Variants in PNPLA1 observed in about 807,000 individuals in gnomAD.
PNPLA1 encodes patatin like domain 1, omega-hydroxyceramide transacylase, also known as omega-hydroxyceramide transacylase.
PNPLA1 carries 36 observed loss-of-function variants against 51.7 expected under a neutral mutation model. The ratio of observed to expected loss-of-function variants is 0.70; its 90% CI spans 0.53 to 0.92. The LOEUF (loss-of-function observed/expected upper bound fraction) is 0.92, where lower values mean the gene tolerates loss of function less well. PNPLA1 is among the 40% of genes least tolerant of loss of function. The probability of loss-of-function intolerance (pLI) is 0.00; values close to 1 mark genes in which losing one functional copy is unlikely to be tolerated. For synonymous variants in PNPLA1, 293 were observed against 280.1 expected, an observed-to-expected ratio of 1.05 and a Z score of -0.46; for missense variants, 658 against 682.5, an observed-to-expected ratio of 0.96 and a Z score of 0.40.
At chr6:36,280,140 C>T (rs1038889933) in intron 1 of PNPLA1, among the ~76,000 whole-genome samples, 25 of 152,108 alleles carry the variant, frequency 1.6e-4, no homozygotes, top group African/African-American at 4.6e-4. Flanking sequence ...CGGGAGGCGG[C>T]GGTTGCAGTA....
At chr6:36,258,206 T>G (rs746769090) in intron 1 of PNPLA1, among the ~76,000 whole-genome samples, 3 of 152,174 alleles carry the variant, frequency 2.0e-5, no homozygotes, top group Non-Finnish European at 4.4e-5. Flanking sequence ...GTTCAGAGAT[T>G]TGAGCAGAGT....
intron 1 of PNPLA1, among the ~76,000 whole-genome samples, chr6:36,280,399 G>A (rs1169137361): frequency 4.6e-5 from 7 of 152,150 alleles, no homozygotes; most frequent in African/African-American, 1.7e-4. Flanking sequence ...TTGCTGACTT[G>A]GGACCAATTT....
chr6:36,273,940 C>T (rs1447474898), intron 1 of PNPLA1, among the ~76,000 whole-genome samples: 3 of 151,972 alleles, frequency 2.0e-5, no homozygotes, highest in African/African-American at 7.3e-5. Context: ...TCGTAATTAT[C>T]GCAGAAGTCC....
In PNPLA1 at chr6:36,312,545, G is replaced by C. The variant is rs1043291517; in HGVS notation, c.*659G>C. Among the ~76,000 whole-genome samples, 4 of 152,120 alleles carry C rather than the reference G, an allele frequency of 2.6e-5. No individual in the cohort carries two copies. Among genetic ancestry groups the C allele is most frequent in the African/African-American group, 9.7e-5 (4 of 41,426 alleles). On this transcript the variant is annotated 3_prime_UTR_variant, in exon 9 of 9. Coordinates refer to ENST00000636260, the MANE Select transcript of PNPLA1 (RefSeq NM_001374623.1). ...CTAAGGTTAGGGAAGTCCTAGATGG[G>C]GGATTTCCTAGGAAGCTGTGAGCCG...
Position 36,307,794 on chromosome 6 carries a change from GGA to G in PNPLA1, c.1595+86_1595+87del, listed in dbSNP as rs1582108499. 8.3e-6 allele frequency: 13 copies of G among 1,557,752 alleles called. No individual in the cohort carries two copies. The East Asian group carries it at 3.1e-4, about 37-fold the overall frequency. ...GTTCAGAGAGATTCCGAGGAATAGAGGAGAGTGTAAGGGAGTAGGGGGTGCAG... is the reference window on the plus strand; with the variant it reads ...GTTCAGAGAGATTCCGAGGAATAGAGGAGTGTAAGGGAGTAGGGGGTGCAG... On this transcript the variant is annotated intron_variant, in intron 8 of 8. Transcript: ENST00000636260.
At chr6:36,281,496 C>G (rs1051849590) in intron 1 of PNPLA1, among the ~76,000 whole-genome samples, 1 of 152,120 alleles carries the variant, frequency 6.6e-6, no homozygotes, top group Non-Finnish European at 1.5e-5. Context: ...CCCTCACAAC[C>G]CTATGAAGCA....
intron 1 of PNPLA1, among the ~76,000 whole-genome samples, chr6:36,280,076 C>T (rs1005857290): frequency 5.3e-5 from 8 of 152,072 alleles, no homozygotes; most frequent in Admixed American, 6.6e-5. Flanking sequence ...CGTGGTGGTG[C>T]GTGCCTGTAG....
chr6:36,290,193 A>G (rs73421632), intron 1 of PNPLA1, among the ~76,000 whole-genome samples: 1 of 152,224 alleles, frequency 6.6e-6, no homozygotes, highest in Non-Finnish European at 1.5e-5. Flanking sequence ...AACCATAAGA[A>G]AGTTCTACCA....
chr6:36,296,538 C>T (rs1484472126), intron 5 of PNPLA1, among the ~76,000 whole-genome samples: 2 of 152,136 alleles, frequency 1.3e-5, no homozygotes, highest in Non-Finnish European at 1.5e-5. Flanking sequence ...GTGTATGTAG[C>T]TTTAAAAAAT....
chr6:36,294,456 G>C lies in PNPLA1; in HGVS notation c.714+57G>C. ...GAAGGTACCAGGGACTAGGGGTGGG[G>C]TTAGAGAGCCACTGGGGCCCACTCA... On this transcript the variant is annotated intron_variant, in intron 4 of 8. Coordinates refer to ENST00000636260, the MANE Select transcript of PNPLA1 (RefSeq NM_001374623.1). The surrounding 1 kb of genome is among the most constrained non-coding windows in gnomAD (Gnocchi z 4.2). 1 of 1,526,872 alleles carries C rather than the reference G, an allele frequency of 6.5e-7. No individual in the cohort carries two copies. The highest frequency in any genetic ancestry group is 9.0e-7 in the Non-Finnish European group (1 of 1,109,836). The allele number at this position is 1,526,872 out of a possible 1,614,324, so 94.6% of individuals were successfully genotyped here. A position where few individuals can be genotyped will look rare whatever the true frequency, so the allele number is the denominator to read the frequency against.
At chr6:36,306,859 CT>C (rs556332579) in intron 7 of PNPLA1, among the ~76,000 whole-genome samples, 1 of 152,158 alleles carries the variant, frequency 6.6e-6, no homozygotes, top group Non-Finnish European at 1.5e-5. Flanking sequence ...CCCAGAAAAT[CT>C]TTTTTATTAT....
At chr6:36,275,396 G>C (rs1308919295) in intron 1 of PNPLA1, among the ~76,000 whole-genome samples, 1 of 152,116 alleles carries the variant, frequency 6.6e-6, no homozygotes. Flanking sequence ...CTTATAATTT[G>C]TGTTTTAAAA....
At position 36,294,449 on chromosome 6, in the gene PNPLA1, G is replaced by A. The variant is rs760072590; in HGVS notation, c.714+50G>A. 1 of 1,567,774 alleles carries A rather than the reference G, an allele frequency of 6.4e-7. No individual in the cohort carries two copies. Among genetic ancestry groups the A allele is most frequent in the Non-Finnish European group, 8.7e-7 (1 of 1,143,544 alleles). On this transcript the variant is annotated intron_variant, in intron 4 of 8. Transcript: ENST00000636260. This position sits in a 1 kb window ranked among gnomAD's most constrained non-coding sequence, Gnocchi z 4.2. ...AGTAGCAGAAGGTACCAGGGACTAG[G>A]GGTGGGGTTAGAGAGCCACTGGGGC...
Position 36,302,378 on chromosome 6 carries a change from T to C in PNPLA1, c.1293T>C (p.Thr431=). ...CCAGGCCATCCCTGGGGCCTTCAAC[T>C]GTGGGGGCACCTCAAACACTGCCCC... ...TSPRPSLGPS[T]VGAPQTLPRS... Residue 431 remains threonine, a synonymous_variant, in exon 6 of 9, where the codon ACT becomes ACC. Transcript: ENST00000636260. The C allele has an allele frequency of 6.2e-7, 1 of 1,603,476 alleles. No individual in the cohort carries two copies. Among genetic ancestry groups the C allele is most frequent in the Non-Finnish European group, 8.5e-7 (1 of 1,173,486 alleles).
At chr6:36,275,022 A>C (rs1385071694) in intron 1 of PNPLA1, among the ~76,000 whole-genome samples, 6 of 152,060 alleles carry the variant, frequency 3.9e-5, no homozygotes, top group Non-Finnish European at 8.8e-5. Flanking sequence ...TTTGTTATTC[A>C]GATTTTAATT....
chr6:36,299,567 CT>C (rs1458240130), intron 5 of PNPLA1, among the ~76,000 whole-genome samples: 1 of 152,140 alleles, frequency 6.6e-6, no homozygotes, highest in Admixed American at 6.5e-5. Flanking sequence ...ATCTCTTGAC[CT>C]CGTGATCCAC....
chr6:36,264,035 C>A (rs1769710026), intron 1 of PNPLA1, among the ~76,000 whole-genome samples: 1 of 152,170 alleles, frequency 6.6e-6, no homozygotes, highest in Admixed American at 6.5e-5. Context: ...TCCCTTCTGC[C>A]CCATGACCGA....
At chr6:36,261,277 T>C (rs935493792) in intron 1 of PNPLA1, among the ~76,000 whole-genome samples, 2 of 152,232 alleles carry the variant, frequency 1.3e-5, no homozygotes, top group Non-Finnish European at 2.9e-5. Context: ...CATCACTAAT[T>C]CAACAGATAT....
intron 1 of PNPLA1, among the ~76,000 whole-genome samples, chr6:36,283,554 G>A (rs1163035229): frequency 6.6e-6 from 1 of 152,178 alleles, no homozygotes; most frequent in African/African-American, 2.4e-5. Flanking sequence ...CAGCTACTCA[G>A]GAGGCTGAGG....
Sources: allele counts gnomAD v4.1 joint callset (sites outside exome capture counted in the v4.1 genomes callset), GRCh38; gene constraint gnomAD v4.1.1; non-coding constraint Gnocchi (gnomAD v3.1); transcripts MANE v1.5; gene names NCBI Gene and HGNC (gene_info 2026-07-23, HGNC 2026-07-21).